Variants in GALNT18 observed in about 807,000 individuals in gnomAD.
GALNT18 encodes polypeptide N-acetylgalactosaminyltransferase 18.
GALNT18 carries 44 observed loss-of-function variants against 69.5 expected under a neutral mutation model. The ratio of observed to expected loss-of-function variants is 0.63; its 90% CI spans 0.50 to 0.81. The LOEUF (loss-of-function observed/expected upper bound fraction) is 0.81, where lower values mean the gene tolerates loss of function less well. Among genes scored for constraint, GALNT18 ranks in the 40% least tolerant of loss-of-function variants. GALNT18 has a pLI of 0.00. For synonymous variants in GALNT18, 364 were observed against 318.2 expected, an observed-to-expected ratio of 1.14 and a Z score of -1.53; for missense variants, 715 against 810.0, an observed-to-expected ratio of 0.88 and a Z score of 1.42.
chr11:11,567,212 C>T (rs918241348), intron 1 of GALNT18, among the ~76,000 whole-genome samples: 1 of 152,192 alleles, frequency 6.6e-6, no homozygotes, highest in Non-Finnish European at 1.5e-5. Context: ...AAGGTTTCTG[C>T]TGAGCCAGGA....
rs1169780357 is a variant in GALNT18 at position 11,601,411 on chromosome 11, A to G, written c.235+19948T>C. Among the ~76,000 whole-genome samples the G allele has an allele frequency of 6.6e-6, 1 of 152,150 alleles. No individual in the cohort carries two copies. Among genetic ancestry groups the G allele is most frequent in the African/African-American group, 2.4e-5 (1 of 41,438 alleles). The stretch of plus-strand genomic sequence containing the variant: ...TGTGCACAGTGTCCTGATTCTCCCT[A>G]TCGAACCCCCTAGGATGACAGTGAT... On this transcript the variant is annotated intron_variant, in intron 1 of 10. Coordinates refer to ENST00000227756, the MANE Select transcript of GALNT18 (RefSeq NM_198516.3). This position sits in a 1 kb window ranked among gnomAD's most constrained non-coding sequence, Gnocchi z 4.0.
Position 11,603,607 on chromosome 11 carries a change from G to C in GALNT18, c.235+17752C>G, listed in dbSNP as rs769643503. 1.8e-4 allele frequency among the ~76,000 whole-genome samples: 27 copies of C among 151,980 alleles called. No homozygotes were observed. Among genetic ancestry groups the C allele is most frequent in the Non-Finnish European group, 3.1e-4 (21 of 68,016 alleles). ...CAAACTGAATATTCATAATCTTCATGTTGCCACAAAGGCTATATTTTTAAA... is the reference window on the plus strand; with the variant it reads ...CAAACTGAATATTCATAATCTTCATCTTGCCACAAAGGCTATATTTTTAAA... On this transcript the variant is annotated intron_variant, in intron 1 of 10. Coordinates refer to ENST00000227756, the MANE Select transcript of GALNT18 (RefSeq NM_198516.3). The surrounding 1 kb of genome is among the most constrained non-coding windows in gnomAD (Gnocchi z 4.5).
chr11:11,481,568 G>A (rs902582866), intron 1 of GALNT18, among the ~76,000 whole-genome samples: 1 of 152,184 alleles, frequency 6.6e-6, no homozygotes, highest in Non-Finnish European at 1.5e-5. Context: ...ACTATCTCCC[G>A]GCAGTCATCA....
rs1030254807 is a variant in GALNT18 at position 11,470,806 on chromosome 11, G to A, written c.236-21870C>T. ...GGACTGCCAGGAAGTCAGGTACCAT[G>A]GTGTCTCCATGCTGCATTCTTAGCC... On this transcript the variant is annotated intron_variant, in intron 1 of 10. Coordinates refer to ENST00000227756, the MANE Select transcript of GALNT18 (RefSeq NM_198516.3). This position sits in a 1 kb window ranked among gnomAD's most constrained non-coding sequence, Gnocchi z 4.8. Among the ~76,000 whole-genome samples, 1 of 152,108 alleles carries A rather than the reference G, an allele frequency of 6.6e-6. No homozygotes were observed. Among genetic ancestry groups the A allele is most frequent in the African/African-American group, 2.4e-5 (1 of 41,418 alleles).
intron 10 of GALNT18, among the ~76,000 whole-genome samples, chr11:11,284,419 C>T (rs1315436838): frequency 1.3e-5 from 2 of 152,114 alleles, no homozygotes. Flanking sequence ...TTTTAAAGTT[C>T]CCAGGTGCTG....
intron 9 of GALNT18, among the ~76,000 whole-genome samples, chr11:11,321,587 C>G (rs1849840132): frequency 6.6e-6 from 1 of 152,132 alleles, no homozygotes; most frequent in Non-Finnish European, 1.5e-5. Flanking sequence ...GATGCTCCAA[C>G]AGTTTATGAG....
intron 1 of GALNT18, among the ~76,000 whole-genome samples, chr11:11,509,917 C>A (rs1421163322): frequency 6.6e-6 from 1 of 152,234 alleles, no homozygotes; most frequent in Non-Finnish European, 1.5e-5. Context: ...CAGCACCACG[C>A]AGAAAGAGTA....
In GALNT18 at chr11:11,404,135, C is replaced by T. The variant is rs144575955; in HGVS notation, c.596-24871G>A. The stretch of plus-strand genomic sequence containing the variant: ...GGAGAGCATTCCCATGTCTCATGGG[C>T]TCCCCATGAAACGGGCTTTCTCTTC... On this transcript the variant is annotated intron_variant, in intron 3 of 10. Coordinates refer to ENST00000227756, the MANE Select transcript of GALNT18 (RefSeq NM_198516.3). The surrounding 1 kb of genome is among the most constrained non-coding windows in gnomAD (Gnocchi z 4.5). 1.2e-3 allele frequency among the ~76,000 whole-genome samples: 182 copies of T among 152,346 alleles called. 1 individual carries two copies. The highest frequency in any genetic ancestry group is 4.1e-3 in the African/African-American group (171 of 41,596).
chr11:11,548,951 A>G (rs1325140107), intron 1 of GALNT18, among the ~76,000 whole-genome samples: 2 of 152,234 alleles, frequency 1.3e-5, no homozygotes, highest in African/African-American at 4.8e-5. Context: ...ACTAGTTAGA[A>G]CACTCAAATT....
chr11:11,279,344 C>CT (rs1268495974), intron 10 of GALNT18, among the ~76,000 whole-genome samples: 5 of 152,030 alleles, frequency 3.3e-5, no homozygotes, highest in African/African-American at 1.2e-4. Context: ...AAATTTAAGA[C>CT]TAAAAAAAAA....
intron 1 of GALNT18, among the ~76,000 whole-genome samples, chr11:11,490,578 T>TA (rs1172300392): frequency 6.6e-6 from 1 of 152,186 alleles, no homozygotes; most frequent in Non-Finnish European, 1.5e-5. Context: ...GGCTCAGTGA[T>TA]AGAGCACTCA....
chr11:11,446,206 G>A (rs1476540488), intron 2 of GALNT18, among the ~76,000 whole-genome samples: 2 of 152,148 alleles, frequency 1.3e-5, no homozygotes, highest in Non-Finnish European at 1.5e-5. Context: ...ATTGCCTGGC[G>A]TACCTTCACT....
chr11:11,441,689 G>A (rs188042086), intron 2 of GALNT18, among the ~76,000 whole-genome samples: 7 of 152,308 alleles, frequency 4.6e-5, no homozygotes, highest in African/African-American at 1.7e-4. Flanking sequence ...CACAGTAAGC[G>A]AGCAGGTGAC....
At chr11:11,292,474 G>A (rs1195929902) in intron 10 of GALNT18, among the ~76,000 whole-genome samples, 3 of 152,226 alleles carry the variant, frequency 2.0e-5, no homozygotes, top group Non-Finnish European at 4.4e-5. Flanking sequence ...ACTGCCTTTC[G>A]CCAAATGGCC....
chr11:11,455,210 C>T lies in GALNT18; in HGVS notation c.236-6274G>A, dbSNP rs147148986. Among the ~76,000 whole-genome samples the T allele has an allele frequency of 5.9e-5, 9 of 152,280 alleles. No individual in the cohort carries two copies. The East Asian group carries it at 9.7e-4, about 16-fold the overall frequency. ...TTCAGCAAGTTTGTTCTATGCCAAG[C>T]TTATTGCTTGGGTATTGAAATATTA... On this transcript the variant is annotated intron_variant, in intron 1 of 10. Coordinates refer to ENST00000227756, the MANE Select transcript of GALNT18 (RefSeq NM_198516.3).
chr11:11,529,817 T>C (rs1261600990), intron 1 of GALNT18, among the ~76,000 whole-genome samples: 1 of 152,176 alleles, frequency 6.6e-6, no homozygotes, highest in Non-Finnish European at 1.5e-5. Flanking sequence ...TGACCACATA[T>C]GTATGAGTGT....
At chr11:11,531,867 C>T (rs1251333283) in intron 1 of GALNT18, among the ~76,000 whole-genome samples, 3 of 152,186 alleles carry the variant, frequency 2.0e-5, no homozygotes, top group Non-Finnish European at 2.9e-5. Flanking sequence ...TATTCTGCTT[C>T]GGGCCAGGCC....
chr11:11,331,693 G>A (rs1286245157), intron 8 of GALNT18, among the ~76,000 whole-genome samples: 1 of 152,166 alleles, frequency 6.6e-6, no homozygotes, highest in Non-Finnish European at 1.5e-5. Flanking sequence ...TTTCACTGCT[G>A]ATTATGTGAG....
chr11:11,456,118 T>C (rs1855919108), intron 1 of GALNT18, among the ~76,000 whole-genome samples: 1 of 151,954 alleles, frequency 6.6e-6, no homozygotes, highest in Admixed American at 6.5e-5. Context: ...AAGTGCATTA[T>C]TTGGGGTCCA....
Sources: gnomAD v4.1 joint callset for allele counts (sites outside exome capture counted in the v4.1 genomes callset) on GRCh38, gnomAD v4.1.1 for gene constraint, Gnocchi (gnomAD v3.1) non-coding constraint, MANE v1.5 for transcripts, NCBI Gene and HGNC (gene_info 2026-07-23, HGNC 2026-07-21) for gene names.